Variants in UNC93A observed in about 807,000 individuals in gnomAD.
UNC93A encodes unc-93 homolog A.
UNC93A carries 43 observed loss-of-function variants against 47.5 expected under a neutral mutation model. That is an observed-to-expected ratio of 0.91 (90% CI 0.71 to 1.17). UNC93A has a LOEUF of 1.17. Ranked by LOEUF, UNC93A falls within the 50% of genes most tolerant of loss-of-function variation. The probability of loss-of-function intolerance (pLI) is 0.00; values close to 1 mark genes in which losing one functional copy is unlikely to be tolerated. For missense variants in UNC93A, 605 were observed against 577.6 expected (o/e 1.05, Z -0.49); for synonymous variants, 280 against 258.0 (o/e 1.09, Z -0.82).
At chr6:167,302,576 G>T (rs1049434307) in intron 4 of UNC93A, among the ~76,000 whole-genome samples, 1 of 152,188 alleles carries the variant, frequency 6.6e-6, no homozygotes, top group African/African-American at 2.4e-5. Context: ...CTAGTAAAGT[G>T]AGAAACGCCT....
chr6:167,300,040 G>A (rs975328007), intron 4 of UNC93A, among the ~76,000 whole-genome samples: 2 of 149,506 alleles, frequency 1.3e-5, no homozygotes, highest in South Asian at 2.1e-4. Context: ...AGCAGGGTCC[G>A]TGTGGGTTGG....
chr6:167,282,845 G>A (rs1783656172), intron 1 of UNC93A, among the ~76,000 whole-genome samples: 1 of 152,174 alleles, frequency 6.6e-6, no homozygotes, highest in South Asian at 2.1e-4. Context: ...GTCCTGAAAG[G>A]CGAGACGACT....
chr6:167,281,991 A>G (rs1298598002), intron 1 of UNC93A, among the ~76,000 whole-genome samples: 2 of 152,206 alleles, frequency 1.3e-5, no homozygotes, highest in East Asian at 3.8e-4. Context: ...CTGAGACTTT[A>G]TGGTCTTTCC....
At chr6:167,285,621 C>T (rs1027883529) in intron 1 of UNC93A, among the ~76,000 whole-genome samples, 3 of 151,480 alleles carry the variant, frequency 2.0e-5, no homozygotes, top group Admixed American at 6.6e-5. Context: ...TCTCAGGTGA[C>T]GGCATCTGGT....
upstream of UNC93A, among the ~76,000 whole-genome samples, chr6:167,269,532 A>T (rs1473928507): frequency 1.3e-5 from 2 of 152,178 alleles, no homozygotes; most frequent in Non-Finnish European, 2.9e-5. Context: ...CAATGAAAAG[A>T]AGGGAAAGAG....
chr6:167,311,209 C>T (rs904883820), intron 7 of UNC93A, among the ~76,000 whole-genome samples: 1 of 152,202 alleles, frequency 6.6e-6, no homozygotes, highest in Admixed American at 6.5e-5. Context: ...TCTTAATTAA[C>T]GACACCGAAT....
intron 7 of UNC93A, among the ~76,000 whole-genome samples, chr6:167,310,150 G>C (rs907784902): frequency 4.0e-4 from 61 of 152,236 alleles, no homozygotes; most frequent in African/African-American, 1.4e-3. Flanking sequence ...GTGTGGCAGA[G>C]CCGGTGTTTC....
At chr6:167,298,330 A>C (rs1037317673) in intron 4 of UNC93A, 2 of 352,258 alleles carry the variant, frequency 5.7e-6, no homozygotes, top group Non-Finnish European at 1.0e-5. Flanking sequence ...GCCATTAAGC[A>C]CTGTGGTTGT....
intron 4 of UNC93A, among the ~76,000 whole-genome samples, chr6:167,303,559 TC>T (rs1447738124): frequency 2.6e-5 from 4 of 152,092 alleles, no homozygotes; most frequent in Non-Finnish European, 5.9e-5. Flanking sequence ...AAAAGCTGTC[TC>T]CTGTTAGAAA....
chr6:167,287,244 T>C (rs576399526), upstream of UNC93A, among the ~76,000 whole-genome samples: 1 of 152,224 alleles, frequency 6.6e-6, no homozygotes, highest in African/African-American at 2.4e-5. Flanking sequence ...CTTGCTCCAG[T>C]TTGCAGGGTT....
intron 1 of UNC93A, among the ~76,000 whole-genome samples, chr6:167,285,584 G>A (rs889192591): frequency 6.6e-6 from 1 of 151,658 alleles, no homozygotes; most frequent in African/African-American, 2.4e-5. Context: ...TGGAGTCGTG[G>A]AAGCGGCTTC....
upstream of UNC93A, among the ~76,000 whole-genome samples, chr6:167,289,893 A>G (rs388807): frequency 3.5e-4 from 54 of 152,320 alleles, 1 homozygote; most frequent in East Asian, 7.9e-3. Context: ...ATTTCTTTAC[A>G]TATTATTCTA....
At chr6:167,276,101 G>T (rs1224082763) in intron 1 of UNC93A, among the ~76,000 whole-genome samples, 3 of 146,508 alleles carry the variant, frequency 2.0e-5, no homozygotes, top group Admixed American at 6.9e-5. Flanking sequence ...GAGTGAGAAC[G>T]TGTGGTGTTG....
intron 6 of UNC93A, among the ~76,000 whole-genome samples, chr6:167,307,233 G>A (rs1294006733): frequency 1.3e-5 from 2 of 152,204 alleles, no homozygotes; most frequent in East Asian, 1.9e-4. Flanking sequence ...CACACCCAAG[G>A]CCCTCCAGGC....
chr6:167,312,095 G>A (rs890979471), intron 7 of UNC93A, among the ~76,000 whole-genome samples: 1 of 151,954 alleles, frequency 6.6e-6, no homozygotes, highest in Non-Finnish European at 1.5e-5. Context: ...TCATGACCTG[G>A]ACCCTTTTGA....
At chr6:167,312,489 A>G (rs1476948895) in intron 7 of UNC93A, among the ~76,000 whole-genome samples, 1 of 152,226 alleles carries the variant, frequency 6.6e-6, no homozygotes, top group African/African-American at 2.4e-5. Flanking sequence ...TTATTACTCA[A>G]TCATTGATCT....
upstream of UNC93A, among the ~76,000 whole-genome samples, chr6:167,288,604 T>C (rs73790194): frequency 0.032 from 4,874 of 152,252 alleles, 233 homozygotes; most frequent in African/African-American, 0.11. Context: ...AAGATACATT[T>C]GAGTTTATTT....
At chr6:167,310,826 A>T (rs1235563959) in intron 7 of UNC93A, among the ~76,000 whole-genome samples, 3 of 152,220 alleles carry the variant, frequency 2.0e-5, no homozygotes, top group Non-Finnish European at 2.9e-5. Flanking sequence ...GGTTGCAGTG[A>T]GCTGAGATCA....
Position 167,306,003 on chromosome 6 carries a change from A to G in UNC93A, c.929A>G (p.Tyr310Cys). 6.2e-7 allele frequency: 1 copy of G among 1,614,172 alleles called. No individual in the cohort carries two copies. Among genetic ancestry groups the G allele is most frequent in the Non-Finnish European group, 8.5e-7 (1 of 1,180,048 alleles). Reference sequence around the variant, plus strand: ...ACTGACGCGCTGTGCTCCGTGTTGTATGGAAAGGTCTCGCAGTACACGGGC... The same window carrying G: ...ACTGACGCGCTGTGCTCCGTGTTGTGTGGAAAGGTCTCGCAGTACACGGGC... ...SATDALCSVL[Y>C]GKVSQYTGRA... Residue 310 changes from tyrosine to cysteine, a missense_variant, in exon 6 of 8, where the codon TAT (tyrosine) becomes TGT (cysteine). Physicochemically the swap from Tyr to Cys is radical, Grantham distance 194. Coordinates refer to ENST00000230256, the MANE Select transcript of UNC93A (RefSeq NM_018974.4).
Sources: gnomAD v4.1 joint callset for allele counts (sites outside exome capture counted in the v4.1 genomes callset) on GRCh38, gnomAD v4.1.1 for gene constraint, MANE v1.5 for transcripts, NCBI Gene and HGNC (gene_info 2026-07-23, HGNC 2026-07-21) for gene names.